GYG2: variants seen among roughly 807,000 people sequenced by gnomAD.
The protein encoded by GYG2 is glycogenin 2.
A neutral mutation model predicts 29.4 loss-of-function variants in GYG2; 29 were observed. That is an observed-to-expected ratio of 0.99 (90% CI 0.74 to 1.35). The LOEUF (loss-of-function observed/expected upper bound fraction) is 1.35, where lower values mean the gene tolerates loss of function less well. Among genes scored for constraint, GYG2 ranks in the 40% most tolerant of loss-of-function variants. The pLI is 0.00. For synonymous variants in GYG2, 167 were observed against 172.3 expected, an observed-to-expected ratio of 0.97 and a Z score of 0.24; for missense variants, 370 against 385.7, an observed-to-expected ratio of 0.96 and a Z score of 0.34.
chrX:2,844,465 C>T (rs1383570917), intron 3 of GYG2, among the ~76,000 whole-genome samples: 2 of 110,196 alleles, frequency 1.8e-5, no homozygotes, highest in Non-Finnish European at 3.8e-5. Context: ...TATATACACA[C>T]ACGTATGCAT....
In GYG2 at chrX:2,877,780, T is replaced by C. The variant is rs945914361; in HGVS notation, c.1251+473T>C. On this transcript the variant is annotated intron_variant, in intron 10 of 10. Coordinates refer to ENST00000398806, the MANE Select transcript of GYG2 (RefSeq NM_001079855.2). Reference sequence around the variant, plus strand: ...AGAGATGTTTTCATCTTCAACTACGTTCTCTCCATTGATGCATTTAATGAA... The same window carrying C: ...AGAGATGTTTTCATCTTCAACTACGCTCTCTCCATTGATGCATTTAATGAA... The C allele has an allele frequency of 6.0e-5, 45 of 746,894 alleles. No homozygotes were observed. The African/African-American group carries it at 9.7e-4, about 16-fold the overall frequency. 61.6% of individuals were successfully genotyped at this position (746,894 alleles called of 1,213,427 possible).
At chrX:2,839,152 T>C (rs1320531237) in intron 2 of GYG2, among the ~76,000 whole-genome samples, 4 of 112,342 alleles carry the variant, frequency 3.6e-5, no homozygotes, top group Non-Finnish European at 7.5e-5. Flanking sequence ...TTCTGTGTGA[T>C]GGTAATTATT....
intron 8 of GYG2, among the ~76,000 whole-genome samples, chrX:2,866,021 G>C (rs1219384952): frequency 1.8e-5 from 2 of 112,004 alleles, no homozygotes; most frequent in Non-Finnish European, 3.8e-5. Context: ...TAAAGAAAAT[G>C]CCATGTATAG....
chrX:2,848,494 C>T (rs1406682096), intron 3 of GYG2, among the ~76,000 whole-genome samples: 3 of 95,595 alleles, frequency 3.1e-5, no homozygotes, highest in Non-Finnish European at 6.1e-5. Flanking sequence ...GCCCAGATCG[C>T]GCCACCTGCA....
At chrX:2,869,635 GT>G (rs1293565069) in intron 8 of GYG2, among the ~76,000 whole-genome samples, 1 of 112,225 alleles carries the variant, frequency 8.9e-6, no homozygotes, top group African/African-American at 3.2e-5. Flanking sequence ...AGGTTGACGT[GT>G]TTTGGTTTTG....
rs947443799 is a variant in GYG2, at chrX:2,854,047, C to T, written c.217C>T (p.His73Tyr). 4.2e-6 allele frequency: 5 copies of T among 1,194,349 alleles called. No individual in the cohort carries two copies. In the African/African-American group the frequency reaches 7.0e-5, roughly 17 times the overall value. Residue 73 changes from histidine to tyrosine, a missense_variant, in exon 4 of 11, where the codon CAC becomes TAC. Transcript: ENST00000398806. ...VNLIDSADYI[H>Y]LAFLKRPELG... is the part of the protein sequence containing the mutation. ...TCTAATCGATAGTGCCGACTACATC[C>T]ACCTGGCCTTTCTGAAGAGACCTGA... is the stretch of plus-strand genomic sequence containing the variant.
At chrX:2,839,534 T>C (rs1304431390) in intron 2 of GYG2, among the ~76,000 whole-genome samples, 1 of 111,557 alleles carries the variant, frequency 9.0e-6, no homozygotes, top group Non-Finnish European at 1.9e-5. Flanking sequence ...GGCCATATGA[T>C]GCTTAATTCC....
At chrX:2,877,134 A>G (rs1184476184) in intron 9 of GYG2, 66 bp from the exon 10 acceptor site, 1 of 1,175,665 alleles carries the variant, frequency 8.5e-7, no homozygotes, top group Non-Finnish European at 1.1e-6. Flanking sequence ...GTTCTCCATC[A>G]TTTAGGTTAG....
intron 3 of GYG2, among the ~76,000 whole-genome samples, chrX:2,844,496 G>A (rs747472820): frequency 6.6e-5 from 7 of 105,710 alleles, no homozygotes; most frequent in Admixed American, 1.0e-4. Flanking sequence ...ATATGCACGC[G>A]TGTGCGTATA....
At position 2,861,511 on chromosome X, in the gene GYG2, T is replaced by C. The variant is rs767598730; in HGVS notation, c.838-11T>C. The stretch of plus-strand genomic sequence containing the variant: ...AGGGAAGACTCACTCCACGTGTGTG[T>C]TTTTGTGCAGCTTTGCCACAGTGAT... On this transcript the variant is annotated splice_polypyrimidine_tract_variant and intron_variant, in intron 7 of 10. Transcript: ENST00000398806. 5.9e-6 allele frequency: 7 copies of C among 1,191,497 alleles called. No homozygotes were observed. The South Asian group carries it at 1.2e-4, about 21-fold the overall frequency.
At chrX:2,835,383 T>C (rs1315083181) in intron 2 of GYG2, among the ~76,000 whole-genome samples, 2 of 111,996 alleles carry the variant, frequency 1.8e-5, no homozygotes, top group African/African-American at 6.5e-5. Context: ...CATTATGGCC[T>C]GAACTCGTTT....
chrX:2,882,431 G>C lies in GYG2; in HGVS notation c.*1218G>C, dbSNP rs1354979963. On this transcript the variant is annotated 3_prime_UTR_variant, in exon 11 of 11. Coordinates refer to ENST00000398806, the MANE Select transcript of GYG2 (RefSeq NM_001079855.2). ...CGTGGAGAGGCGTGGCCACTTTTTAGGTCACCTGAAGCAGTTTAGCCTTTG... is the reference window on the plus strand; with the variant it reads ...CGTGGAGAGGCGTGGCCACTTTTTACGTCACCTGAAGCAGTTTAGCCTTTG... The C allele has an allele frequency of 2.7e-5, 3 of 111,435 alleles. No individual in the cohort carries two copies. The highest frequency in any genetic ancestry group is 3.8e-5 in the Non-Finnish European group (2 of 53,132). 9.2% of individuals were successfully genotyped at this position (111,435 alleles called of 1,213,427 possible).
intron 3 of GYG2, among the ~76,000 whole-genome samples, chrX:2,848,982 G>A (rs1008606619): frequency 3.6e-5 from 4 of 111,208 alleles, no homozygotes; most frequent in Non-Finnish European, 7.5e-5. Flanking sequence ...AGCAATGACC[G>A]TAAATGACCA....
intron 3 of GYG2, among the ~76,000 whole-genome samples, chrX:2,847,416 C>G (rs914469968): frequency 4.6e-5 from 5 of 108,518 alleles, no homozygotes; most frequent in African/African-American, 1.7e-4. Context: ...AGGCCGGCCA[C>G]GGTGGCTCAT....
intron 10 of GYG2, chrX:2,877,642 G>T: frequency 2.7e-6 from 2 of 753,754 alleles, no homozygotes; most frequent in African/African-American, 4.6e-5. Flanking sequence ...GAGATTAAAA[G>T]CTGAAAATTG....
At chrX:2,853,297 G>A (rs950675708) in intron 3 of GYG2, among the ~76,000 whole-genome samples, 5 of 111,101 alleles carry the variant, frequency 4.5e-5, no homozygotes, top group Admixed American at 9.6e-5. Flanking sequence ...TGCAATCTCC[G>A]CCTCCCGGGT....
intron 9 of GYG2, 105 bp from the exon 10 acceptor site, chrX:2,877,095 T>G: frequency 9.3e-7 from 1 of 1,075,304 alleles, no homozygotes; most frequent in East Asian, 3.3e-5. Flanking sequence ...AACCCAATAA[T>G]TTGATTTTAT....
chrX:2,832,848 T>C (rs1261700143), intron 2 of GYG2, among the ~76,000 whole-genome samples: 1 of 112,273 alleles, frequency 8.9e-6, no homozygotes, highest in Non-Finnish European at 1.9e-5. Flanking sequence ...TCTCCTTTCT[T>C]ATAAGGACAC....
rs138114227 is a variant in GYG2, at chrX:2,834,071, C to T, written c.7+3876C>T. On this transcript the variant is annotated intron_variant, in intron 2 of 10. Transcript: ENST00000398806. ...TCTCTTCCTGTGGGTCCTTGTTCTC[C>T]AGCTGCTGTTGCTACGCTGTGAGGA... Among the ~76,000 whole-genome samples the T allele has an allele frequency of 5.0e-3, 567 of 112,507 alleles. 17 individuals carry two copies. The highest frequency in any genetic ancestry group is 0.048 in the Admixed American group (512 of 10,640).
Sources: gnomAD v4.1 joint callset for allele counts (sites outside exome capture counted in the v4.1 genomes callset) on GRCh38, gnomAD v4.1.1 for gene constraint, MANE v1.5 for transcripts, NCBI Gene and HGNC (gene_info 2026-07-23, HGNC 2026-07-21) for gene names.